Variants in NBEA observed in about 807,000 individuals in gnomAD.
NBEA encodes lysosomal-trafficking regulator 2.
NBEA carries 44 observed loss-of-function variants against 343.4 expected under a neutral mutation model. The ratio of observed to expected loss-of-function variants is 0.13; its 90% CI spans 0.10 to 0.16. The LOEUF (loss-of-function observed/expected upper bound fraction) is 0.16. Among genes scored for constraint, NBEA ranks in the 10% least tolerant of loss-of-function variants. NBEA has a pLI of 1.00. For synonymous variants in NBEA, 1,175 were observed against 1,238.7 expected, an observed-to-expected ratio of 0.95 and a Z score of 1.08; for missense variants, 2,555 against 3,631.3, an observed-to-expected ratio of 0.70 and a Z score of 7.62.
rs372649308 is a variant in NBEA at position 35,270,032 on chromosome 13, T to C, written c.5777-20357T>C. ...ATTCTAATTCAGTTATTACTTGATT[T>C]TGTGTCCAAAGGATACCTCTTTTTG... On this transcript the variant is annotated intron_variant, in intron 34 of 58. Transcript: ENST00000379939. Among the ~76,000 whole-genome samples, 12 of 152,324 alleles carry C rather than the reference T, an allele frequency of 7.9e-5. No individual in the cohort carries two copies. In the East Asian group the frequency reaches 1.2e-3, roughly 15 times the overall value.
Position 35,099,946 on chromosome 13 carries a change from T to C in NBEA, c.1680+1541T>C, listed in dbSNP as rs2065556539. Among the ~76,000 whole-genome samples the C allele has an allele frequency of 3.9e-5, 6 of 152,160 alleles. No individual in the cohort carries two copies. The South Asian group carries it at 1.2e-3, about 31-fold the overall frequency. On this transcript the variant is annotated intron_variant, in intron 11 of 58. Coordinates refer to ENST00000379939, the MANE Select transcript of NBEA (RefSeq NM_001385012.1). ...TCTTTTATTAGCACTCTCTGACCTT[T>C]TCTTATCAGTTAGTTAACTCTATAA...
At chr13:35,191,908 A>C (rs1318565808) in intron 30 of NBEA, among the ~76,000 whole-genome samples, 5 of 152,094 alleles carry the variant, frequency 3.3e-5, no homozygotes, top group African/African-American at 1.2e-4. Flanking sequence ...TGATATGTGA[A>C]GTCACCGTGT....
At chr13:34,969,422 T>C (rs2059929012) in intron 1 of NBEA, among the ~76,000 whole-genome samples, 1 of 152,116 alleles carries the variant, frequency 6.6e-6, no homozygotes. Flanking sequence ...GGGGTACATG[T>C]ACAGGTAGAG....
At chr13:34,984,132 T>A (rs961102535) in intron 1 of NBEA, among the ~76,000 whole-genome samples, 1 of 152,208 alleles carries the variant, frequency 6.6e-6, no homozygotes, top group Non-Finnish European at 1.5e-5. Flanking sequence ...CTGAATGGTA[T>A]TGCCTAGGTT....
At chr13:35,415,643 A>G (rs2043861519) in intron 38 of NBEA, among the ~76,000 whole-genome samples, 1 of 152,052 alleles carries the variant, frequency 6.6e-6, no homozygotes, top group Non-Finnish European at 1.5e-5. Context: ...GTAGCCTTGT[A>G]GTATAGTTTG....
At chr13:35,018,299 A>G (rs1451288340) in intron 1 of NBEA, among the ~76,000 whole-genome samples, 2 of 152,122 alleles carry the variant, frequency 1.3e-5, no homozygotes, top group African/African-American at 2.4e-5. Flanking sequence ...ACCAGGCACA[A>G]TTTTGATTAG....
At chr13:35,528,822 A>G (rs2078111288) in intron 41 of NBEA, among the ~76,000 whole-genome samples, 1 of 152,184 alleles carries the variant, frequency 6.6e-6, no homozygotes, top group Non-Finnish European at 1.5e-5. Context: ...ATGTTCATTA[A>G]GGAACTCATG....
intron 33 of NBEA, among the ~76,000 whole-genome samples, chr13:35,223,474 T>G (rs775502702): frequency 1.3e-5 from 2 of 152,356 alleles, no homozygotes; most frequent in Non-Finnish European, 1.5e-5. Context: ...TCTTCTGGCT[T>G]GCACAGATTC....
rs570627591 is a variant in NBEA at position 35,051,491 on chromosome 13, A to G, written c.972+1096A>G. On this transcript the variant is annotated intron_variant, in intron 6 of 58. Transcript: ENST00000379939. ...TAGATTTTACATGATTCTAATAAAA[A>G]TATTTGCTTTATATTTAATGTCAGT... Among the ~76,000 whole-genome samples, 12 of 152,122 alleles carry G rather than the reference A, an allele frequency of 7.9e-5. No homozygotes were observed. The South Asian group carries it at 2.3e-3, about 29-fold the overall frequency.
chr13:35,346,299 A>C (rs2039870836), intron 36 of NBEA, among the ~76,000 whole-genome samples: 1 of 152,122 alleles, frequency 6.6e-6, no homozygotes. Context: ...GGCTTTCTTC[A>C]GCCTTCAGCA....
chr13:35,442,982 C>T (rs1594654760), intron 39 of NBEA, among the ~76,000 whole-genome samples: 1 of 152,004 alleles, frequency 6.6e-6, no homozygotes, highest in South Asian at 2.1e-4. Flanking sequence ...TGCAAGTATC[C>T]TTGATGTCCT....
intron 10 of NBEA, among the ~76,000 whole-genome samples, chr13:35,095,756 A>T (rs138649494): frequency 6.6e-6 from 1 of 152,040 alleles, no homozygotes; most frequent in Non-Finnish European, 1.5e-5. Context: ...TAATCAGCAT[A>T]CTTTTGGTCT....
chr13:35,024,686 AATAAAATAAAATAAC>A (rs1422052848), intron 1 of NBEA, among the ~76,000 whole-genome samples: 1 of 152,162 alleles, frequency 6.6e-6, no homozygotes, highest in Non-Finnish European at 1.5e-5. Context: ...TCTCAAAATA[AATAAAATAAAATAAC>A]ATAAAATAAA....
chr13:34,986,162 G>T (rs1475349008), intron 1 of NBEA, among the ~76,000 whole-genome samples: 1 of 150,512 alleles, frequency 6.6e-6, no homozygotes, highest in East Asian at 1.9e-4. Context: ...GCTTTCTCTT[G>T]TGGGCATTTA....
intron 18 of NBEA, among the ~76,000 whole-genome samples, chr13:35,145,435 A>G (rs1298892827): frequency 1.3e-5 from 2 of 152,190 alleles, no homozygotes; most frequent in Non-Finnish European, 2.9e-5. Context: ...CCTTTCTCCC[A>G]GGAAGTTTAG....
intron 34 of NBEA, among the ~76,000 whole-genome samples, chr13:35,283,615 AAGAAAG>A (rs2152813085): frequency 6.6e-6 from 1 of 152,314 alleles, no homozygotes; most frequent in African/African-American, 2.4e-5. Context: ...TTTTGGATCA[AAGAAAG>A]GTAATAAGTG....
intron 41 of NBEA, among the ~76,000 whole-genome samples, chr13:35,498,866 G>A (rs544653953): frequency 2.3e-4 from 35 of 152,004 alleles, no homozygotes; most frequent in Admixed American, 6.6e-4. Context: ...TGGTACAAAC[G>A]ACATATACTT....
chr13:35,239,509 A>G (rs2152776936), intron 34 of NBEA, among the ~76,000 whole-genome samples: 1 of 152,250 alleles, frequency 6.6e-6, no homozygotes, highest in Admixed American at 6.5e-5. Context: ...GTAATTATTA[A>G]TATTCTAATT....
intron 41 of NBEA, among the ~76,000 whole-genome samples, chr13:35,541,255 G>A (rs1594923923): frequency 6.6e-6 from 1 of 150,908 alleles, no homozygotes; most frequent in East Asian, 2.0e-4. Context: ...CTTCTGCTTG[G>A]TACTTCCTTT....
Sources: allele counts gnomAD v4.1 joint callset (sites outside exome capture counted in the v4.1 genomes callset), GRCh38; gene constraint gnomAD v4.1.1; transcripts MANE v1.5; gene names NCBI Gene and HGNC (gene_info 2026-07-23, HGNC 2026-07-21).